Variants in TRIM24 observed in about 807,000 individuals in gnomAD.
The protein encoded by TRIM24 is transcription intermediary factor 1-alpha.
In TRIM24, 29 loss-of-function variants were observed where a neutral mutation model predicts 123.9. The observed-to-expected ratio is 0.23, with a 90% CI of 0.17 to 0.32. The LOEUF (loss-of-function observed/expected upper bound fraction) is 0.32, where lower values mean the gene tolerates loss of function less well. TRIM24 is among the 10% of genes least tolerant of loss of function. The pLI is 1.00. For missense variants in TRIM24, 932 were observed against 1,295.3 expected, an observed-to-expected ratio of 0.72 and a Z score of 4.31; for synonymous variants, 456 against 461.1, an observed-to-expected ratio of 0.99 and a Z score of 0.14.
chr7:138,472,932 C>T (rs2116460088), intron 1 of TRIM24, among the ~76,000 whole-genome samples: 1 of 152,290 alleles, frequency 6.6e-6, no homozygotes, highest in Non-Finnish European at 1.5e-5. Context: ...AACTCCTGGA[C>T]TCAAGCAGTT....
chr7:138,477,472 G>A (rs1209387660), intron 1 of TRIM24, among the ~76,000 whole-genome samples: 1 of 152,160 alleles, frequency 6.6e-6, no homozygotes, highest in African/African-American at 2.4e-5. Flanking sequence ...TTATGAAACT[G>A]AACAAATATA....
At chr7:138,465,616 C>T (rs1044688082) in intron 1 of TRIM24, among the ~76,000 whole-genome samples, 1 of 152,100 alleles carries the variant, frequency 6.6e-6, no homozygotes, top group Non-Finnish European at 1.5e-5. Context: ...ATACAAGATA[C>T]GTAACTATTC....
chr7:138,490,148 A>G (rs761891159), intron 1 of TRIM24, among the ~76,000 whole-genome samples: 8 of 152,212 alleles, frequency 5.3e-5, no homozygotes, highest in Admixed American at 3.9e-4. Context: ...CGTGTTGGCT[A>G]CTGAAGCTTG....
chr7:138,552,146 A>AG (rs1797225442), intron 8 of TRIM24, among the ~76,000 whole-genome samples: 2 of 152,142 alleles, frequency 1.3e-5, no homozygotes, highest in South Asian at 4.1e-4. Flanking sequence ...ACCGGTTTGT[A>AG]GCCTAGACTC....
chr7:138,498,567 T>C (rs1795965977), intron 1 of TRIM24, among the ~76,000 whole-genome samples: 1 of 152,214 alleles, frequency 6.6e-6, no homozygotes, highest in African/African-American at 2.4e-5. Context: ...CGTTTTATTT[T>C]CCTGTATATG....
intron 1 of TRIM24, chr7:138,490,492 C>G (rs186419065): frequency 5.8e-6 from 1 of 172,324 alleles, no homozygotes; most frequent in East Asian, 1.8e-4. Context: ...TAAGCAAGAA[C>G]TCCTCCCTAT....
intron 2 of TRIM24, 21 bp from the exon 3 acceptor site, chr7:138,515,191 G>A (rs367622117): frequency 3.8e-4 from 611 of 1,590,724 alleles, no homozygotes; most frequent in Middle Eastern, 1.7e-3. Flanking sequence ...AAAAATTTAC[G>A]TGCCATGGTT....
chr7:138,577,671 T>C (rs1252053920), intron 14 of TRIM24, 83 bp downstream of exon 14: 9 of 1,167,434 alleles, frequency 7.7e-6, no homozygotes, highest in Non-Finnish European at 1.0e-5. Flanking sequence ...AGGAGTTTTT[T>C]TTTAATGTTA....
chr7:138,496,687 G>A (rs867404277), intron 1 of TRIM24, among the ~76,000 whole-genome samples: 3 of 151,830 alleles, frequency 2.0e-5, no homozygotes, highest in African/African-American at 7.3e-5. Context: ...CTTTAGTAGA[G>A]ATGAGATCTC....
At chr7:138,534,034 T>G (rs1046285572) in intron 6 of TRIM24, among the ~76,000 whole-genome samples, 16 of 152,238 alleles carry the variant, frequency 1.1e-4, no homozygotes, top group African/African-American at 3.6e-4. Context: ...TGATGGTAGT[T>G]TGTATTTCTG....
chr7:138,473,007 C>T (rs371817023), intron 1 of TRIM24, among the ~76,000 whole-genome samples: 1 of 152,126 alleles, frequency 6.6e-6, no homozygotes, highest in Non-Finnish European at 1.5e-5. Flanking sequence ...TGGCTGGGTG[C>T]GTTGGCTCAT....
chr7:138,586,137 A>G lies in TRIM24; in HGVS notation c.*1186A>G. 1 of 345,184 alleles carries G rather than the reference A, an allele frequency of 2.9e-6. No individual in the cohort carries two copies. The highest frequency in any genetic ancestry group is 2.3e-5 in the South Asian group (1 of 42,942). The allele number at this position is 345,184 out of a possible 1,614,324, so 21.4% of individuals were successfully genotyped here. ...TACAAAAGACTTATCTTCTGAGGAC[A>G]AGCATATTCTTAATGTGCCAGACCT... is the stretch of plus-strand genomic sequence containing the variant. On this transcript the variant is annotated 3_prime_UTR_variant, in exon 19 of 19. Coordinates refer to ENST00000343526, the MANE Select transcript of TRIM24 (RefSeq NM_015905.3).
chr7:138,536,530 G>A (rs1009869154), intron 6 of TRIM24, among the ~76,000 whole-genome samples: 10 of 152,224 alleles, frequency 6.6e-5, no homozygotes, highest in African/African-American at 1.9e-4. Context: ...GCAGAGCAGC[G>A]AATATTGCTG....
chr7:138,579,546 T>TC lies in TRIM24; in HGVS notation c.2585+17dup, dbSNP rs1563068256. ...AAATTTTCCAAGGTAAGATAGTACTTCCCTTCCCACATTCTTTTACTGTAA... is the reference window on the plus strand; with the variant it reads ...AAATTTTCCAAGGTAAGATAGTACTTCCCCTTCCCACATTCTTTTACTGTAA... On this transcript the variant is annotated intron_variant, in intron 15 of 18. Transcript: ENST00000343526. The TC allele has an allele frequency of 6.4e-7, 1 of 1,558,628 alleles. No homozygotes were observed. Among genetic ancestry groups the TC allele is most frequent in the South Asian group, 1.2e-5 (1 of 83,122 alleles).
At position 138,520,532 on chromosome 7, in the gene TRIM24, C is replaced by A. The variant is rs916827243; in HGVS notation, c.764+1211C>A. ...TGCGAACATAGTGAGACCCCATCCC[C>A]ACAAAAAATTAGCTGGGCAAAGTGG... On this transcript the variant is annotated intron_variant, in intron 4 of 18. Transcript: ENST00000343526. Among the ~76,000 whole-genome samples, 4 of 152,156 alleles carry A rather than the reference C, an allele frequency of 2.6e-5. No homozygotes were observed. In the South Asian group the frequency reaches 8.3e-4, roughly 32 times the overall value.
chr7:138,487,678 C>T (rs1227792268), intron 1 of TRIM24, among the ~76,000 whole-genome samples: 1 of 152,184 alleles, frequency 6.6e-6, no homozygotes, highest in Non-Finnish European at 1.5e-5. Context: ...GCCAGCCTTG[C>T]ATCCCAGGGA....
Position 138,460,850 on chromosome 7 carries a change from C to A in TRIM24, c.302C>A (p.Thr101Asn), listed in dbSNP as rs778689080. The change falls in exon 1 of 19, where the codon ACC (threonine) becomes AAC (asparagine). Residue 101 changes from threonine to asparagine, a missense_variant. Around this residue, in one of 7 missense-constraint regions of TRIM24, gnomAD observed 164 missense variants for 181.9 expected, o/e 0.90. Transcript: ENST00000343526. ...LPAPMLGSAE[T>N]PPPVPAPGSP... is the part of the protein sequence containing the mutation. Reference sequence around the variant, plus strand: ...GCGCCCATGCTGGGCTCGGCCGAGACCCCGCCACCCGTCCCTGCCCCCGGC... The same window carrying A: ...GCGCCCATGCTGGGCTCGGCCGAGAACCCGCCACCCGTCCCTGCCCCCGGC... 6.4e-7 allele frequency: 1 copy of A among 1,560,504 alleles called. No individual in the cohort carries two copies. Among genetic ancestry groups the A allele is most frequent in the Non-Finnish European group, 8.6e-7 (1 of 1,161,728 alleles).
At chr7:138,507,359 A>AT (rs11301228) in intron 2 of TRIM24, among the ~76,000 whole-genome samples, 2,573 of 132,382 alleles carry the variant, frequency 0.019, 60 homozygotes, top group African/African-American at 0.059. Context: ...TTCATCTGTA[A>AT]TTTTTTTTTT....
intron 1 of TRIM24, among the ~76,000 whole-genome samples, chr7:138,480,020 T>C (rs985390632): frequency 6.6e-6 from 1 of 152,118 alleles, no homozygotes; most frequent in African/African-American, 2.4e-5. Flanking sequence ...GGTTTCGCCA[T>C]GTTGGCCAGG....
Sources: allele counts gnomAD v4.1 joint callset (sites outside exome capture counted in the v4.1 genomes callset), GRCh38; gene constraint gnomAD v4.1.1; regional missense constraint gnomAD v4.1.1; transcripts MANE v1.5; gene names NCBI Gene and HGNC (gene_info 2026-07-23, HGNC 2026-07-21).